Variants in SLC25A2 observed in about 807,000 individuals in gnomAD.
The protein encoded by SLC25A2 is mitochondrial ornithine transporter 2.
A neutral mutation model predicts 7.4 loss-of-function variants in SLC25A2; 6 were observed. The ratio of observed to expected loss-of-function variants is 0.82; its 90% CI spans 0.45 to 1.61. The LOEUF (loss-of-function observed/expected upper bound fraction) is 1.61. Ranked by LOEUF, SLC25A2 falls within the 40% of genes most tolerant of loss-of-function variation. The probability of loss-of-function intolerance (pLI) is 0.01; values close to 1 mark genes in which losing one functional copy is unlikely to be tolerated. For missense variants in SLC25A2, 356 were observed against 377.3 expected (o/e 0.94, Z 0.47); for synonymous variants, 158 against 153.4 (o/e 1.03, Z -0.22).
Position 141,302,920 on chromosome 5 carries a change from C to T in SLC25A2, c.*40G>A, listed in dbSNP as rs782300401. The stretch of plus-strand genomic sequence containing the variant: ...CTGAACCCTGTGATGAACTGTAGTC[C>T]TCAAACTCATGGACTCGGATCCAGG... On this transcript the variant is annotated 3_prime_UTR_variant, in exon 1 of 1. Coordinates refer to ENST00000239451, the MANE Select transcript of SLC25A2 (RefSeq NM_031947.4). The T allele has an allele frequency of 1.3e-6, 2 of 1,581,704 alleles. No individual in the cohort carries two copies. The highest frequency in any genetic ancestry group is 3.5e-5 in the Admixed American group (2 of 56,584).
Position 141,303,967 on chromosome 5 carries a change from T to A in SLC25A2, c.-102A>T. 7.5e-7 allele frequency: 1 copy of A among 1,341,082 alleles called. No homozygotes were observed. Among genetic ancestry groups the A allele is most frequent in the Non-Finnish European group, 1.0e-6 (1 of 987,656 alleles). The allele number at this position is 1,341,082 out of a possible 1,614,324, so 83.1% of individuals were successfully genotyped here. A position where few individuals can be genotyped will look rare whatever the true frequency, so the allele number is the denominator to read the frequency against. ...CCGCAGCGAGCGCGGGGAATGGAGTTGGGGGTGGTGGGGTGGCTCTACCGC... is the reference window on the plus strand; with the variant it reads ...CCGCAGCGAGCGCGGGGAATGGAGTAGGGGGTGGTGGGGTGGCTCTACCGC... On this transcript the variant is annotated 5_prime_UTR_variant, in exon 1 of 1. Transcript: ENST00000239451.
Position 141,303,371 on chromosome 5 carries a change from G to A in SLC25A2, c.495C>T (p.Gly165=). Reference sequence around the variant, plus strand: ...AGAGTCCATGGTAGAAGCCCAAGGGGCCATCCTTTTTAAGGATACCCTTCA... The same window carrying A: ...AGAGTCCATGGTAGAAGCCCAAGGGACCATCCTTTTTAAGGATACCCTTCA... ...SVVKGILKKD[G]PLGFYHGLSS... Residue 165 remains glycine, a synonymous_variant, in exon 1 of 1, where the codon GGC becomes GGT. Coordinates refer to ENST00000239451, the MANE Select transcript of SLC25A2 (RefSeq NM_031947.4). The A allele has an allele frequency of 1.2e-6, 2 of 1,614,090 alleles. No individual in the cohort carries two copies. The highest frequency in any genetic ancestry group is 1.7e-6 in the Non-Finnish European group (2 of 1,180,026).
At position 141,303,644 on chromosome 5, in the gene SLC25A2, G is replaced by A. The variant is rs533119891; in HGVS notation, c.222C>T (p.Tyr74=). 31 of 1,614,126 alleles carry A rather than the reference G, an allele frequency of 1.9e-5. No homozygotes were observed. Among genetic ancestry groups the A allele is most frequent in the Non-Finnish European group, 2.6e-5 (31 of 1,180,062 alleles). The change falls in exon 1 of 1, where the codon TAC becomes TAT. Residue 74 remains tyrosine (Y), a synonymous_variant. Coordinates refer to ENST00000239451, the MANE Select transcript of SLC25A2 (RefSeq NM_031947.4). The part of the protein sequence containing the change: ...YKGTGPALMA[Y]VAENSVLFMC... ...TGAAGAGGACCGAGTTTTCGGCGAC[G>A]TAGGCCATAAGTGCCGGGCCGGTGC...
In SLC25A2 at chr5:141,303,302, A is replaced by G; in HGVS notation, c.564T>C (p.Phe188=). ...ACGATCGGCTCAGTTCATAGCCACC[A>G]AAGAAAAAGAAATAACCCGGTACTT... ...LQEVPGYFFF[F]GGYELSRSFF... is the part of the protein sequence containing the mutation. The change falls in exon 1 of 1, where the codon TTT becomes TTC. Residue 188 remains phenylalanine (F), a synonymous_variant. Transcript: ENST00000239451. 6.2e-7 allele frequency: 1 copy of G among 1,614,216 alleles called. No homozygotes were observed. Among genetic ancestry groups the G allele is most frequent in the African/African-American group, 1.3e-5 (1 of 75,068 alleles).
rs1755947756 is a variant in SLC25A2 at position 141,303,748 on chromosome 5, A to C, written c.118T>G (p.Phe40Val). The change falls in exon 1 of 1, where the codon TTC becomes GTC. Residue 40 changes from phenylalanine to valine, a missense_variant. Phe to Val is a conservative substitution (Grantham distance 50). Coordinates refer to ENST00000239451, the MANE Select transcript of SLC25A2 (RefSeq NM_031947.4). ...GTGAGGCCCTTGTACAGGTCAGGGA[A>C]CGTCTGCATCTTCACTTTTATTGTG... ...FDTIKVKMQTFPDLYKGLTDC... is the reference protein window; with the variant it reads ...FDTIKVKMQTVPDLYKGLTDC... 1 of 1,614,004 alleles carries C rather than the reference A, an allele frequency of 6.2e-7. No homozygotes were observed. Among genetic ancestry groups the C allele is most frequent in the South Asian group, 1.1e-5 (1 of 91,078 alleles).
In SLC25A2 at chr5:141,303,125, T is replaced by A. The variant is rs1755932212; in HGVS notation, c.741A>T (p.Ala247=). The A allele has an allele frequency of 6.2e-7, 1 of 1,614,260 alleles. No individual in the cohort carries two copies. Among genetic ancestry groups the A allele is most frequent in the African/African-American group, 1.3e-5 (1 of 75,066 alleles). ...IQVLSMYGKQ[A]GFIGTLLSVV... ...CACTTAAGAGGGTACCAATAAATCCTGCCTGTTTCCCATACATGGAAAGAA... is the reference window on the plus strand; with the variant it reads ...CACTTAAGAGGGTACCAATAAATCCAGCCTGTTTCCCATACATGGAAAGAA... The change falls in exon 1 of 1, where the codon GCA becomes GCT. Residue 247 remains alanine, a synonymous_variant. Transcript: ENST00000239451.
At position 141,302,882 on chromosome 5, in the gene SLC25A2, G is replaced by T; in HGVS notation, c.*78C>A. 6.8e-7 allele frequency: 1 copy of T among 1,463,144 alleles called. No homozygotes were observed. Among genetic ancestry groups the T allele is most frequent in the Non-Finnish European group, 9.2e-7 (1 of 1,085,010 alleles). 90.6% of individuals were successfully genotyped at this position (1,463,144 alleles called of 1,614,324 possible). On this transcript the variant is annotated 3_prime_UTR_variant, in exon 1 of 1. Transcript: ENST00000239451. ...CCCATGAAGTCAAAATTAGACAGTG[G>T]TCTTGTACTCTGCTGAACCCTGTGA...
chr5:141,303,815 G>A lies in SLC25A2; in HGVS notation c.51C>T (p.Ala17=), dbSNP rs1402249953. 2 of 1,614,050 alleles carry A rather than the reference G, an allele frequency of 1.2e-6. No individual in the cohort carries two copies. The highest frequency in any genetic ancestry group is 1.3e-5 in the African/African-American group (1 of 74,918). Residue 17 remains alanine, a synonymous_variant, in exon 1 of 1, where the codon GCC becomes GCT. Transcript: ENST00000239451. ...TCAGTACACACGCTGTCCCCCCTGC[G>A]GCCCCCGCTGTGAGGTCGATGGCGG... The part of the protein sequence containing the change: ...IQAAIDLTAG[A]AGGTACVLTG...
In SLC25A2 at chr5:141,302,803, C is replaced by T; in HGVS notation, c.*157G>A. 1.5e-6 allele frequency: 1 copy of T among 648,902 alleles called. No homozygotes were observed. The highest frequency in any genetic ancestry group is 2.5e-6 in the Non-Finnish European group (1 of 392,338). The allele number at this position is 648,902 out of a possible 1,614,324, so 40.2% of individuals were successfully genotyped here. A position where few individuals can be genotyped will look rare whatever the true frequency, so the allele number is the denominator to read the frequency against. Reference sequence around the variant, plus strand: ...GAAATTATATGATGTAAAATAGAGGCCCTTCCATAAAGTTAAGATTTAGGG... The same window carrying T: ...GAAATTATATGATGTAAAATAGAGGTCCTTCCATAAAGTTAAGATTTAGGG... On this transcript the variant is annotated 3_prime_UTR_variant, in exon 1 of 1. Coordinates refer to ENST00000239451, the MANE Select transcript of SLC25A2 (RefSeq NM_031947.4).
rs1755930143 is a variant in SLC25A2, at chr5:141,303,037, T to C, written c.829A>G (p.Ile277Val). 2 of 1,614,076 alleles carry C rather than the reference T, an allele frequency of 1.2e-6. No homozygotes were observed. The highest frequency in any genetic ancestry group is 1.3e-5 in the African/African-American group (1 of 74,924). Residue 277 changes from isoleucine to valine, a missense_variant, in exon 1 of 1, where the codon ATC (isoleucine) becomes GTC (valine). By Grantham distance (29) the Ile-to-Val change is conservative. Transcript: ENST00000239451. The stretch of plus-strand genomic sequence containing the variant: ...ACAAACAGTGCCCCATTGGCAGGGA[T>C]TGCTCGAATCATAGTAGCTTTCAGT... ...SGLKATMIRA[I>V]PANGALFVAY...
Position 141,303,679 on chromosome 5 carries a change from A to T in SLC25A2, c.187T>A (p.Phe63Ile). 1 of 1,614,108 alleles carries T rather than the reference A, an allele frequency of 6.2e-7. No homozygotes were observed. The highest frequency in any genetic ancestry group is 8.5e-7 in the Non-Finnish European group (1 of 1,179,944). ...KTYAQVGLRG[F>I]YKGTGPALMA... Reference sequence around the variant, plus strand: ...AGTGCCGGGCCGGTGCCCTTGTAGAAGCCCCGGAGACCCACTTGAGCGTAT... The same window carrying T: ...AGTGCCGGGCCGGTGCCCTTGTAGATGCCCCGGAGACCCACTTGAGCGTAT... Residue 63 changes from phenylalanine (F) to isoleucine (I), a missense_variant, in exon 1 of 1, where the codon TTC (phenylalanine) becomes ATC (isoleucine). By Grantham distance (21) the Phe-to-Ile change is conservative. Transcript: ENST00000239451.
In SLC25A2 at chr5:141,303,142, T is replaced by G; in HGVS notation, c.724A>C (p.Met242Leu). 6.2e-7 allele frequency: 1 copy of G among 1,614,186 alleles called. No individual in the cohort carries two copies. The part of the protein sequence containing the change: ...CIKSRIQVLS[M>L]YGKQAGFIGT... ...ATAAATCCTGCCTGTTTCCCATACA[T>G]GGAAAGAACTTGAATTCTGGATTTA... Residue 242 changes from methionine to leucine, a missense_variant, in exon 1 of 1, where the codon ATG becomes CTG. Coordinates refer to ENST00000239451, the MANE Select transcript of SLC25A2 (RefSeq NM_031947.4).
In SLC25A2 at chr5:141,303,961, T is replaced by G. The variant is rs566558017; in HGVS notation, c.-96A>C. 947 of 1,410,504 alleles carry G rather than the reference T, an allele frequency of 6.7e-4. 3 individuals are homozygous for G. In the African/African-American group the frequency reaches 0.012, roughly 19 times the overall value. 87.4% of individuals were successfully genotyped at this position (1,410,504 alleles called of 1,614,324 possible). On this transcript the variant is annotated 5_prime_UTR_variant, in exon 1 of 1. Transcript: ENST00000239451. Reference sequence around the variant, plus strand: ...GTCCAGCCGCAGCGAGCGCGGGGAATGGAGTTGGGGGTGGTGGGGTGGCTC... The same window carrying G: ...GTCCAGCCGCAGCGAGCGCGGGGAAGGGAGTTGGGGGTGGTGGGGTGGCTC...
chr5:141,303,104 T>C lies in SLC25A2; in HGVS notation c.762A>G (p.Leu254=), dbSNP rs781887214. Residue 254 remains leucine, a synonymous_variant, in exon 1 of 1, where the codon TTA becomes TTG. Coordinates refer to ENST00000239451, the MANE Select transcript of SLC25A2 (RefSeq NM_031947.4). ...GKQAGFIGTL[L]SVVRNEGIVA... ...CTATTCCTTCATTTCTCACAACACT[T>C]AAGAGGGTACCAATAAATCCTGCCT... is the stretch of plus-strand genomic sequence containing the variant. 6 of 1,614,066 alleles carry C rather than the reference T, an allele frequency of 3.7e-6. No individual in the cohort carries two copies. Among genetic ancestry groups the C allele is most frequent in the African/African-American group, 2.7e-5 (2 of 74,918 alleles).
chr5:141,303,925 C>G lies in SLC25A2; in HGVS notation c.-60G>C. 2 of 1,538,190 alleles carry G rather than the reference C, an allele frequency of 1.3e-6. No individual in the cohort carries two copies. Among genetic ancestry groups the G allele is most frequent in the Admixed American group, 2.0e-5 (1 of 51,240 alleles). ...CGACTAACTCCCCAGAGCGTGAGACCGGCTTTTCACGTCCAGCCGCAGCGA... is the reference window on the plus strand; with the variant it reads ...CGACTAACTCCCCAGAGCGTGAGACGGGCTTTTCACGTCCAGCCGCAGCGA... On this transcript the variant is annotated 5_prime_UTR_variant, in exon 1 of 1. Coordinates refer to ENST00000239451, the MANE Select transcript of SLC25A2 (RefSeq NM_031947.4).
chr5:141,303,982 G>T lies in SLC25A2; in HGVS notation c.-117C>A. ...GGAATGGAGTTGGGGGTGGTGGGGT[G>T]GCTCTACCGCCTGTTCTGGGCTCTC... On this transcript the variant is annotated 5_prime_UTR_variant, in exon 1 of 1. Transcript: ENST00000239451. The T allele has an allele frequency of 8.3e-7, 1 of 1,207,550 alleles. No homozygotes were observed. Among genetic ancestry groups the T allele is most frequent in the Non-Finnish European group, 1.2e-6 (1 of 869,312 alleles). The allele number at this position is 1,207,550 out of a possible 1,614,324, so 74.8% of individuals were successfully genotyped here. A position where few individuals can be genotyped will look rare whatever the true frequency, so the allele number is the denominator to read the frequency against.
At position 141,303,860 on chromosome 5, in the gene SLC25A2, C is replaced by T. The variant is rs766579695; in HGVS notation, c.6G>A (p.Lys2=). 6.2e-7 allele frequency: 1 copy of T among 1,612,732 alleles called. No homozygotes were observed. Among genetic ancestry groups the T allele is most frequent in the Non-Finnish European group, 8.5e-7 (1 of 1,179,212 alleles). ...TGGCGGCTTGGATGCCAGGACCGGACTTCATGTTCGCTCACTCGTCTGAGG... is the reference window on the plus strand; with the variant it reads ...TGGCGGCTTGGATGCCAGGACCGGATTTCATGTTCGCTCACTCGTCTGAGG... M[K]SGPGIQAAID... is the part of the protein sequence containing the mutation. The change falls in exon 1 of 1, where the codon AAG becomes AAA. Residue 2 remains lysine (K), a synonymous_variant. Transcript: ENST00000239451.
At position 141,303,952 on chromosome 5, in the gene SLC25A2, C is replaced by T. The variant is rs1239065568; in HGVS notation, c.-87G>A. 2 of 1,455,634 alleles carry T rather than the reference C, an allele frequency of 1.4e-6. No individual in the cohort carries two copies. Among genetic ancestry groups the T allele is most frequent in the Non-Finnish European group, 1.8e-6 (2 of 1,082,676 alleles). The allele number at this position is 1,455,634 out of a possible 1,614,324, so 90.2% of individuals were successfully genotyped here. On this transcript the variant is annotated 5_prime_UTR_variant, in exon 1 of 1. Transcript: ENST00000239451. Reference sequence around the variant, plus strand: ...GCTTTTCACGTCCAGCCGCAGCGAGCGCGGGGAATGGAGTTGGGGGTGGTG... The same window carrying T: ...GCTTTTCACGTCCAGCCGCAGCGAGTGCGGGGAATGGAGTTGGGGGTGGTG...
Position 141,303,071 on chromosome 5 carries a change from T to C in SLC25A2, c.795A>G (p.Leu265=). ...SVVRNEGIVA[L]YSGLKATMIR... is the part of the protein sequence containing the mutation. ...TCATAGTAGCTTTCAGTCCAGAATA[T>C]AAGGCTACTATTCCTTCATTTCTCA... Residue 265 remains leucine (L), a synonymous_variant, in exon 1 of 1, where the codon TTA becomes TTG. Coordinates refer to ENST00000239451, the MANE Select transcript of SLC25A2 (RefSeq NM_031947.4). The C allele has an allele frequency of 6.2e-7, 1 of 1,614,182 alleles. No individual in the cohort carries two copies. The highest frequency in any genetic ancestry group is 8.5e-7 in the Non-Finnish European group (1 of 1,180,030).
Sources: allele counts gnomAD v4.1 joint callset, GRCh38; gene constraint gnomAD v4.1.1; transcripts MANE v1.5; gene names NCBI Gene and HGNC (gene_info 2026-07-23, HGNC 2026-07-21).